COL2A1: variants seen among roughly 807,000 people sequenced by gnomAD.
COL2A1 encodes the protein collagen alpha-1(II) chain.
COL2A1 carries 28 observed loss-of-function variants against 204.5 expected under a neutral mutation model. The observed-to-expected ratio is 0.14, with a 90% CI of 0.10 to 0.19. The LOEUF is 0.19. Among genes scored for constraint, COL2A1 ranks in the 10% least tolerant of loss-of-function variants. The pLI is 1.00. For synonymous variants in COL2A1, 708 were observed against 718.7 expected, an observed-to-expected ratio of 0.99 and a Z score of 0.24; for missense variants, 1,388 against 2,027.5, an observed-to-expected ratio of 0.68 and a Z score of 6.06.
At chr12:47,983,030 C>T in intron 32 of COL2A1, 63 bp downstream of exon 32, 2 of 1,607,622 alleles carry the variant, frequency 1.2e-6, no homozygotes, top group Non-Finnish European at 1.7e-6. Flanking sequence ...GGGAAAGGAG[C>T]AGGAGCATAG....
chr12:47,979,550 G>T lies in COL2A1; in HGVS notation c.2694C>A (p.Phe898Leu). ...GTCCAACGCGGCCAGCAGCTCCAGG[G>T]AATCCAGTGGCTCCCTGTGTGGGGA... is the stretch of plus-strand genomic sequence containing the variant. Reference protein sequence around the residue: ...GAQGPPGATGFPGAAGRVGPP... With the variant: ...GAQGPPGATGLPGAAGRVGPP... Residue 898 changes from phenylalanine to leucine, a missense_variant, in exon 41 of 54, where the codon TTC becomes TTA. Phe to Leu is a conservative substitution (Grantham distance 22). Coordinates refer to ENST00000380518, the MANE Select transcript of COL2A1 (RefSeq NM_001844.5). 1.9e-6 allele frequency: 3 copies of T among 1,612,610 alleles called. No individual in the cohort carries two copies. The highest frequency in any genetic ancestry group is 2.5e-6 in the Non-Finnish European group (3 of 1,179,538).
rs762603514 is a variant in COL2A1, at chr12:47,983,096, G to C, written c.2091C>G (p.Pro697=). The change falls in exon 32 of 54, where the codon CCC becomes CCG. Residue 697 remains proline (P), a synonymous_variant. Transcript: ENST00000380518. ...GEAGAPGLVG[P]RGERGFPGER... ...CATTGGCCAACAGGATACTCACCCTGGGACCCACGAGGCCAGGGGCTCCAG... is the reference window on the plus strand; with the variant it reads ...CATTGGCCAACAGGATACTCACCCTCGGACCCACGAGGCCAGGGGCTCCAG... The C allele has an allele frequency of 2.4e-5, 38 of 1,613,846 alleles. No individual in the cohort carries two copies. Among genetic ancestry groups the C allele is most frequent in the Non-Finnish European group, 3.2e-5 (38 of 1,179,954 alleles).
chr12:47,989,397 T>C (rs1053955007), intron 17 of COL2A1, 116 bp from the exon 18 acceptor site: 32 of 933,338 alleles, frequency 3.4e-5, no homozygotes, highest in Middle Eastern at 2.1e-4. Context: ...TCCATATCCA[T>C]TGTGGCTAAA....
rs1940377366 is a variant in COL2A1, at chr12:48,004,367, C to A, written c.-46G>T. 8.0e-7 allele frequency: 1 copy of A among 1,250,470 alleles called. No homozygotes were observed. The highest frequency in any genetic ancestry group is 1.1e-6 in the Non-Finnish European group (1 of 877,952). The allele number at this position is 1,250,470 out of a possible 1,614,324, so 77.5% of individuals were successfully genotyped here. A position where few individuals can be genotyped will look rare whatever the true frequency, so the allele number is the denominator to read the frequency against. On this transcript the variant is annotated 5_prime_UTR_variant, in exon 1 of 54. Coordinates refer to ENST00000380518, the MANE Select transcript of COL2A1 (RefSeq NM_001844.5). ...TGAGCCGGGCCCGGGCGGAGCGCAG[C>A]GAAACGGCAGGAGCACGGCGCGGGT...
At chr12:47,984,899 G>T in intron 27 of COL2A1, 96 bp downstream of exon 27, 1 of 1,061,746 alleles carries the variant, frequency 9.4e-7, no homozygotes, top group Non-Finnish European at 1.4e-6. Flanking sequence ...CACTGTCCCT[G>T]GTTAAACTCT....
Position 47,976,620 on chromosome 12 carries a change from A to C in COL2A1, c.3436-53T>G. The C allele has an allele frequency of 6.3e-7, 1 of 1,577,920 alleles. No homozygotes were observed. Among genetic ancestry groups the C allele is most frequent in the South Asian group, 1.1e-5 (1 of 90,156 alleles). On this transcript the variant is annotated intron_variant, in intron 48 of 53. Transcript: ENST00000380518. This position sits in a 1 kb window ranked among gnomAD's most constrained non-coding sequence, Gnocchi z 4.3. ...ACGGTCAGCACAGACATATCTATCTATATTCTGGGAGCTGGGGGAACAGCT... is the reference window on the plus strand; with the variant it reads ...ACGGTCAGCACAGACATATCTATCTCTATTCTGGGAGCTGGGGGAACAGCT...
chr12:47,976,657 C>T lies in COL2A1; in HGVS notation c.3436-90G>A. On this transcript the variant is annotated intron_variant, in intron 48 of 53. Transcript: ENST00000380518. The surrounding 1 kb of genome is among the most constrained non-coding windows in gnomAD (Gnocchi z 4.3). ...CTGGGGGAACAGCTTTATGTCCCAG[C>T]CCCATTCCCTTTCCACTTCCTCCTC... 1 of 1,447,768 alleles carries T rather than the reference C, an allele frequency of 6.9e-7. No homozygotes were observed. The highest frequency in any genetic ancestry group is 9.7e-7 in the Non-Finnish European group (1 of 1,035,338). The allele number at this position is 1,447,768 out of a possible 1,614,324, so 89.7% of individuals were successfully genotyped here.
chr12:47,998,281 T>C, intron 3 of COL2A1, 80 bp from the exon 4 acceptor site: 1 of 1,588,706 alleles, frequency 6.3e-7, no homozygotes, highest in African/African-American at 1.3e-5. Context: ...GCAGCCCCTG[T>C]GTTGAGGTAC....
intron 2 of COL2A1, among the ~76,000 whole-genome samples, chr12:47,999,057 C>T (rs1310228920): frequency 4.6e-5 from 7 of 152,198 alleles, no homozygotes; most frequent in African/African-American, 7.2e-5. Context: ...ATTAGGGAGC[C>T]AGTGTTGGTG....
chr12:47,977,244 G>A, intron 46 of COL2A1, 76 bp downstream of exon 46: 2 of 1,586,516 alleles, frequency 1.3e-6, no homozygotes, highest in South Asian at 1.1e-5. Flanking sequence ...TTAGTCCAGA[G>A]ACTGCGGAAA....
chr12:47,982,754 G>T, intron 33 of COL2A1, 94 bp downstream of exon 33: 1 of 1,340,854 alleles, frequency 7.5e-7, no homozygotes, highest in Non-Finnish European at 1.1e-6. Flanking sequence ...CCCCACTTCT[G>T]TTCTTCATTC....
At position 47,987,819 on chromosome 12, in the gene COL2A1, A is replaced by C; in HGVS notation, c.1123-110T>G. ...GCAAGCACAGCACTAAATTATGCAC[A>C]TGCACCCAACCCTGCACATGAACAT... On this transcript the variant is annotated intron_variant, in intron 18 of 53. Transcript: ENST00000380518. This position sits in a 1 kb window ranked among gnomAD's most constrained non-coding sequence, Gnocchi z 4.1. 2.5e-6 allele frequency: 2 copies of C among 798,520 alleles called. No homozygotes were observed. The highest frequency in any genetic ancestry group is 5.3e-5 in the East Asian group (2 of 37,550). The allele number at this position is 798,520 out of a possible 1,614,324, so 49.5% of individuals were successfully genotyped here. A position where few individuals can be genotyped will look rare whatever the true frequency, so the allele number is the denominator to read the frequency against.
At chr12:47,999,897 C>G (rs1439594070) in intron 2 of COL2A1, 22 bp downstream of exon 2, 1 of 1,597,644 alleles carries the variant, frequency 6.3e-7, no homozygotes, top group African/African-American at 1.3e-5. Context: ...TTATGTTGAA[C>G]AGGAAATAAA....
chr12:47,978,683 G>C lies in COL2A1; in HGVS notation c.2809C>G (p.Pro937Ala), dbSNP rs1440896814. Residue 937 changes from proline to alanine, a missense_variant, in exon 42 of 54, where the codon CCC becomes GCC. This residue lies in a region of COL2A1 where 884 missense variants were observed against 1,415.8 expected (regional missense o/e 0.62). Coordinates refer to ENST00000380518, the MANE Select transcript of COL2A1 (RefSeq NM_001844.5). The surrounding 1 kb of genome is among the most constrained non-coding windows in gnomAD (Gnocchi z 5.5). ...GPKGARGDSG[P>A]PGRAGEPGLQ... ...CCGGGTTCACCAGCTCGGCCAGGGG[G>C]GCCGCTGTCTCCTCGAGCACCTTTG... 1 of 1,613,132 alleles carries C rather than the reference G, an allele frequency of 6.2e-7. No individual in the cohort carries two copies. The highest frequency in any genetic ancestry group is 8.5e-7 in the Non-Finnish European group (1 of 1,179,980).
rs192076058 is a variant in COL2A1 at position 47,994,864 on chromosome 12, A to G, written c.763-387T>C. Among the ~76,000 whole-genome samples, 157 of 152,312 alleles carry G rather than the reference A, an allele frequency of 1.0e-3. 4 individuals carry two copies. The highest frequency in any genetic ancestry group is 1.3e-4 in the Non-Finnish European group (9 of 68,024). On this transcript the variant is annotated intron_variant, in intron 11 of 53. Coordinates refer to ENST00000380518, the MANE Select transcript of COL2A1 (RefSeq NM_001844.5). The stretch of plus-strand genomic sequence containing the variant: ...TTCATTTCGTTTGCATCCTTTGTAG[A>G]CATCCTGACTCAGGCTGTGCTTTTT...
At chr12:47,986,492 G>A (rs779658165) in intron 22 of COL2A1, 49 bp from the exon 23 acceptor site, 30 of 1,250,550 alleles carry the variant, frequency 2.4e-5, no homozygotes, top group African/African-American at 3.0e-5. Context: ...ACCTGGCCTT[G>A]GAGCAAGCCT....
intron 11 of COL2A1, 83 bp from the exon 12 acceptor site, chr12:47,994,560 C>T (rs775490048): frequency 7.0e-7 from 1 of 1,438,098 alleles, no homozygotes; most frequent in Non-Finnish European, 9.7e-7. Flanking sequence ...TCCCTCCTTC[C>T]AGCCCTCCAT....
At chr12:47,982,970 G>A (rs1257913772) in intron 32 of COL2A1, 24 bp from the exon 33 acceptor site, 9 of 1,612,184 alleles carry the variant, frequency 5.6e-6, no homozygotes, top group Non-Finnish European at 7.6e-6. Context: ...ACCAAGAAGT[G>A]ATCAACCAAC....
At chr12:47,995,429 G>T in intron 10 of COL2A1, 121 bp from the exon 11 acceptor site, 1 of 942,436 alleles carries the variant, frequency 1.1e-6, no homozygotes, top group Non-Finnish European at 1.7e-6. Context: ...AAGATGGGAA[G>T]GTCAGAGCAA....
Sources: allele counts gnomAD v4.1 joint callset (sites outside exome capture counted in the v4.1 genomes callset), GRCh38; gene constraint gnomAD v4.1.1; regional missense constraint gnomAD v4.1.1; non-coding constraint Gnocchi (gnomAD v3.1); transcripts MANE v1.5; gene names NCBI Gene and HGNC (gene_info 2026-07-23, HGNC 2026-07-21).